FOCAD: variants seen among roughly 807,000 people sequenced by gnomAD.
The protein encoded by FOCAD is focadhesin, also known as KIAA1797.
Under a neutral mutation model 225.6 loss-of-function variants are expected in FOCAD, and 198 were observed. The observed-to-expected ratio is 0.88, with a 90% CI of 0.78 to 0.99. The LOEUF (loss-of-function observed/expected upper bound fraction) is 0.99, where lower values mean the gene tolerates loss of function less well. FOCAD is among the 50% of genes least tolerant of loss of function. The probability of loss-of-function intolerance (pLI) is 0.00; values close to 1 mark genes in which losing one functional copy is unlikely to be tolerated. For synonymous variants in FOCAD, 897 were observed against 755.0 expected, an observed-to-expected ratio of 1.19 and a Z score of -3.08; for missense variants, 2,713 against 2,123.6, an observed-to-expected ratio of 1.28 and a Z score of -5.46.
chr9:20,707,438 A>T (rs927343164), intron 1 of FOCAD, among the ~76,000 whole-genome samples: 2 of 152,170 alleles, frequency 1.3e-5, no homozygotes, highest in African/African-American at 4.8e-5. Context: ...TGGGGTGCCA[A>T]TCCCTCATGC....
At chr9:20,940,320 G>A (rs1330492699) in intron 28 of FOCAD, among the ~76,000 whole-genome samples, 1 of 132,096 alleles carries the variant, frequency 7.6e-6, no homozygotes, top group East Asian at 2.1e-4. Flanking sequence ...ATATCACTCT[G>A]TTGCTCAGGC....
chr9:20,874,459 C>A, intron 18 of FOCAD: 1 of 446,932 alleles, frequency 2.2e-6, no homozygotes. Context: ...GCTTTTTATA[C>A]AGATCTGAGA....
rs143928131 is a variant in FOCAD, at chr9:20,933,642, G to A, written c.3407+539G>A. Among the ~76,000 whole-genome samples the A allele has an allele frequency of 7.9e-5, 12 of 152,164 alleles. No individual in the cohort carries two copies. In the East Asian group the frequency reaches 1.3e-3, roughly 17 times the overall value. On this transcript the variant is annotated intron_variant, in intron 28 of 43. Transcript: ENST00000338382. ...TGATGGGTATTTGAGTTGGTTCCAC[G>A]TTTTTGCAATTGTGAATTGTGCTGC...
At chr9:20,718,434 G>A (rs1825510860) in intron 3 of FOCAD, among the ~76,000 whole-genome samples, 2 of 130,704 alleles carry the variant, frequency 1.5e-5, no homozygotes, top group African/African-American at 5.8e-5. Context: ...CCTGCTAGTT[G>A]GGAAACTCTT....
At chr9:20,986,160 G>T (rs1841132551) in intron 39 of FOCAD, 128 bp from the exon 40 acceptor site, 3 of 862,550 alleles carry the variant, frequency 3.5e-6, no homozygotes, top group Non-Finnish European at 5.0e-6. Flanking sequence ...GATGGGTCAT[G>T]TGCTGCAGGA....
intron 15 of FOCAD, among the ~76,000 whole-genome samples, chr9:20,838,071 A>G (rs1826165284): frequency 6.6e-6 from 1 of 152,136 alleles, no homozygotes; most frequent in South Asian, 2.1e-4. Flanking sequence ...AAGCCCAGAA[A>G]TTGTATTTAA....
intron 18 of FOCAD, among the ~76,000 whole-genome samples, chr9:20,868,680 G>A (rs376634000): frequency 5.9e-5 from 9 of 151,894 alleles, no homozygotes; most frequent in East Asian, 1.9e-4. Context: ...GCTATAAGGC[G>A]TATCCTTTTG....
At chr9:20,741,194 A>T (rs1827583938) in intron 5 of FOCAD, among the ~76,000 whole-genome samples, 1 of 152,338 alleles carries the variant, frequency 6.6e-6, no homozygotes, top group South Asian at 2.1e-4. Context: ...TTTTGCTGTG[A>T]GCCACCACTG....
intron 2 of FOCAD, among the ~76,000 whole-genome samples, chr9:20,670,959 T>G (rs529429787): frequency 6.6e-6 from 1 of 152,208 alleles, no homozygotes; most frequent in Admixed American, 6.5e-5. Context: ...ATCCTTATTA[T>G]GTAAAAATTT....
At position 20,986,317 on chromosome 9, in the gene FOCAD, A is replaced by T. The variant is rs868649266; in HGVS notation, c.4758A>T (p.Lys1586Asn). 8 of 1,515,516 alleles carry T rather than the reference A, an allele frequency of 5.3e-6. No homozygotes were observed. Among genetic ancestry groups the T allele is most frequent in the Middle Eastern group, 1.7e-4 (1 of 5,722 alleles). The allele number at this position is 1,515,516 out of a possible 1,614,324, so 93.9% of individuals were successfully genotyped here. Reference sequence around the variant, plus strand: ...ACATAGAAAAAGCTGCCTTTGTCAAACTGTACTTAGTCTCTCAAGGACGAT... The same window carrying T: ...ACATAGAAAAAGCTGCCTTTGTCAATCTGTACTTAGTCTCTCAAGGACGAT... ...KSNIEKAAFV[K>N]LYLVSQGRFP... The change falls in exon 40 of 44, where the codon AAA becomes AAT. Residue 1586 changes from lysine to asparagine, a missense_variant. Lys to Asn is a moderately conservative substitution (Grantham distance 94, BLOSUM62 0). Transcript: ENST00000338382.
At chr9:20,755,535 T>C (rs918030486) in intron 5 of FOCAD, among the ~76,000 whole-genome samples, 5 of 152,208 alleles carry the variant, frequency 3.3e-5, no homozygotes, top group Non-Finnish European at 5.9e-5. Flanking sequence ...TAGCGGTTTT[T>C]TTTGGTGGGG....
chr9:20,906,734 G>A (rs1376259967), intron 21 of FOCAD, among the ~76,000 whole-genome samples: 1 of 151,964 alleles, frequency 6.6e-6, no homozygotes, highest in Non-Finnish European at 1.5e-5. Context: ...ACTTCAGAAT[G>A]GTCATATTGG....
In FOCAD at chr9:20,809,897, T is replaced by C. The variant is rs538666131; in HGVS notation, c.1456-9899T>C. 6.6e-5 allele frequency among the ~76,000 whole-genome samples: 10 copies of C among 152,282 alleles called. No individual in the cohort carries two copies. In the East Asian group the frequency reaches 1.9e-3, roughly 29 times the overall value. On this transcript the variant is annotated intron_variant, in intron 11 of 43. Coordinates refer to ENST00000338382, the MANE Select transcript of FOCAD (RefSeq NM_001375567.1). ...TGATGCTGGAATACTCTAGAAGTTA[T>C]TCTTTTTAGAAATCCTAAAAACCAT...
chr9:20,725,367 C>T (rs1444170585), intron 4 of FOCAD, among the ~76,000 whole-genome samples: 1 of 152,148 alleles, frequency 6.6e-6, no homozygotes, highest in Non-Finnish European at 1.5e-5. Context: ...AAAAATGATT[C>T]TAAAATTTTA....
rs758356999 is a variant in FOCAD, at chr9:20,823,012, T to A, written c.1817T>A (p.Met606Lys). The stretch of plus-strand genomic sequence containing the variant: ...AGGCCATATCAACATGGTGCAGATA[T>A]GTTGGCAGCTATTTCTCAAGTGTTG... ...KQRPYQHGAD[M>K]LAAISQVLNE... The change falls in exon 15 of 44, where the codon ATG becomes AAG. Residue 606 changes from methionine (M) to lysine (K), a missense_variant. Transcript: ENST00000338382. The A allele has an allele frequency of 1.2e-6, 2 of 1,605,700 alleles. No homozygotes were observed. Among genetic ancestry groups the A allele is most frequent in the South Asian group, 2.2e-5 (2 of 89,462 alleles).
chr9:20,840,709 C>A (rs1451092368), intron 15 of FOCAD, among the ~76,000 whole-genome samples: 6 of 150,724 alleles, frequency 4.0e-5, no homozygotes, highest in Admixed American at 4.0e-4. Context: ...ATTTGGATGC[C>A]CTTTCTTTCT....
At chr9:20,738,177 T>C (rs1311063292) in intron 4 of FOCAD, among the ~76,000 whole-genome samples, 1 of 152,190 alleles carries the variant, frequency 6.6e-6, no homozygotes, top group Non-Finnish European at 1.5e-5. Context: ...AGAAATTCAG[T>C]GTCAATAGAG....
intron 35 of FOCAD, among the ~76,000 whole-genome samples, chr9:20,954,572 T>A (rs1465582610): frequency 6.6e-6 from 1 of 152,194 alleles, no homozygotes; most frequent in East Asian, 1.9e-4. Flanking sequence ...CAATCTTCGG[T>A]TGAATGTAAC....
chr9:20,991,585 G>A (rs1373053476), intron 42 of FOCAD, among the ~76,000 whole-genome samples: 1 of 152,148 alleles, frequency 6.6e-6, no homozygotes. Flanking sequence ...GGCCAAGGCA[G>A]GCAGATCACG....
Sources: gnomAD v4.1 joint callset for allele counts (sites outside exome capture counted in the v4.1 genomes callset) on GRCh38, gnomAD v4.1.1 for gene constraint, MANE v1.5 for transcripts, NCBI Gene and HGNC (gene_info 2026-07-23, HGNC 2026-07-21) for gene names.